The following PISD variants were observed in gnomAD, a reference collection of about 807,000 sequenced individuals.
PISD encodes the protein phosphatidylserine decarboxylase proenzyme, mitochondrial.
Under a neutral mutation model 43.5 loss-of-function variants are expected in PISD, and 31 were observed. That is an observed-to-expected ratio of 0.71 (90% CI 0.54 to 0.96). The LOEUF (loss-of-function observed/expected upper bound fraction) is 0.96, where lower values mean the gene tolerates loss of function less well. Ranked by LOEUF, PISD falls within the 40% of genes least tolerant of loss-of-function variation. PISD has a pLI of 0.00. For synonymous variants in PISD, 259 were observed against 228.7 expected (o/e 1.13, Z -1.20); for missense variants, 523 against 548.4 (o/e 0.95, Z 0.46).
chr22:31,637,970 C>T (rs569962597), intron 3 of PISD, among the ~76,000 whole-genome samples: 1 of 152,368 alleles, frequency 6.6e-6, no homozygotes, highest in South Asian at 2.1e-4. Context: ...TAAGGCTCGG[C>T]CCCAGACAGA....
At chr22:31,623,804 C>T (rs754812426) in intron 3 of PISD, 4 of 1,613,958 alleles carry the variant, frequency 2.5e-6, no homozygotes, top group African/African-American at 1.3e-5. Context: ...ACATGCAGCT[C>T]AGCTGCCCCA....
chr22:31,662,072 A>G, intron 1 of PISD, 72 bp downstream of exon 1: 1 of 1,370,924 alleles, frequency 7.3e-7, no homozygotes, highest in Non-Finnish European at 1.0e-6. Flanking sequence ...CGACACAGAA[A>G]CATCTCTCTT....
At chr22:31,628,747 T>C in intron 3 of PISD, 1 of 819,248 alleles carries the variant, frequency 1.2e-6, no homozygotes, top group Admixed American at 6.2e-5. Flanking sequence ...GCCACCCCCT[T>C]GAGGCTCAGA....
At position 31,648,283 on chromosome 22, in the gene PISD, TA is replaced by T; in HGVS notation, c.146-8del. 1.3e-6 allele frequency: 2 copies of T among 1,596,836 alleles called. No homozygotes were observed. The highest frequency in any genetic ancestry group is 8.5e-7 in the Non-Finnish European group (1 of 1,172,494). ...GTGTGGATTTTTCTGGCATCTGTAA[TA>T]AAAAACAGGACAATTTCAAGCCTGA... On this transcript the variant is annotated splice_region_variant and splice_polypyrimidine_tract_variant and intron_variant, in intron 2 of 7. Coordinates refer to ENST00000439502, the MANE Select transcript of PISD (RefSeq NM_001326411.2).
At chr22:31,624,712 G>GACAC (rs55946723) in intron 3 of PISD, among the ~76,000 whole-genome samples, 6,685 of 111,816 alleles carry the variant, frequency 0.06, 244 homozygotes, top group East Asian at 0.15. Flanking sequence ...AGCAAAGGTG[G>GACAC]ACACACACAC....
chr22:31,646,405 A>C (rs1218497422), intron 3 of PISD, among the ~76,000 whole-genome samples: 1 of 152,194 alleles, frequency 6.6e-6, no homozygotes, highest in Non-Finnish European at 1.5e-5. Flanking sequence ...CTTATGAGTT[A>C]ATCAACCCTG....
chr22:31,630,902 C>T lies in PISD; in HGVS notation c.322-9017G>A. 4 of 976,214 alleles carry T rather than the reference C, an allele frequency of 4.1e-6. No homozygotes were observed. Among genetic ancestry groups the T allele is most frequent in the Non-Finnish European group, 4.9e-6 (4 of 821,486 alleles). The allele number at this position is 976,214 out of a possible 1,614,324, so 60.5% of individuals were successfully genotyped here. ...GGGCGGGGCTCGGGCTCCAGCCACT[C>T]AGACTACCAGGGGCGGGGGCAGGAG... On this transcript the variant is annotated intron_variant, in intron 3 of 7. Transcript: ENST00000439502. The surrounding 1 kb of genome is among the most constrained non-coding windows in gnomAD (Gnocchi z 4.4).
chr22:31,640,575 G>GTT (rs759964791), intron 3 of PISD, among the ~76,000 whole-genome samples: 4,335 of 91,034 alleles, frequency 0.048, 520 homozygotes, highest in African/African-American at 0.065. Context: ...CGGTTTGGTT[G>GTT]TTTTTTTTTT....
chr22:31,628,199 T>C, intron 3 of PISD: 1 of 985,480 alleles, frequency 1.0e-6, no homozygotes, highest in Non-Finnish European at 1.2e-6. Context: ...GCACCGTCTG[T>C]CCCTCTCAGA....
chr22:31,662,337 G>GTGGCT (rs2074346815), upstream of PISD: 7 of 915,208 alleles, frequency 7.6e-6, no homozygotes, highest in Non-Finnish European at 1.2e-5. Flanking sequence ...ACTAAGCTCC[G>GTGGCT]CCCTGTGGCT....
In PISD at chr22:31,630,609, C is replaced by T. The variant is rs550564588; in HGVS notation, c.322-8724G>A. 2.0e-5 allele frequency: 11 copies of T among 559,978 alleles called. No homozygotes were observed. Among genetic ancestry groups the T allele is most frequent in the East Asian group, 1.4e-4 (1 of 6,898 alleles). The allele number at this position is 559,978 out of a possible 1,614,324, so 34.7% of individuals were successfully genotyped here. ...GTGGGGACGGAAAAAAAGCCCACGA[C>T]TCGCTCAACCTTGTCCGCGGGGCTC... On this transcript the variant is annotated intron_variant, in intron 3 of 7. Transcript: ENST00000439502. The surrounding 1 kb of genome is among the most constrained non-coding windows in gnomAD (Gnocchi z 4.4).
chr22:31,620,393 G>A (rs755547986), intron 7 of PISD, among the ~76,000 whole-genome samples, 160 bp downstream of exon 7: 2 of 152,240 alleles, frequency 1.3e-5, no homozygotes, highest in Non-Finnish European at 2.9e-5. Flanking sequence ...CTGGCAGGTG[G>A]AGCGGCCATT....
intron 3 of PISD, among the ~76,000 whole-genome samples, chr22:31,633,069 A>G (rs2073275536): frequency 6.6e-6 from 1 of 152,228 alleles, no homozygotes; most frequent in African/African-American, 2.4e-5. Flanking sequence ...AACACATGAC[A>G]TGGGATAAAA....
chr22:31,640,880 G>GTTTTTTT (rs1214973570), intron 3 of PISD, among the ~76,000 whole-genome samples: 894 of 24,540 alleles, frequency 0.036, 262 homozygotes, highest in African/African-American at 0.042. Flanking sequence ...CACACCCGGT[G>GTTTTTTT]TTTTTTTTTT....
chr22:31,641,726 A>T (rs1187843009), intron 3 of PISD, among the ~76,000 whole-genome samples: 1 of 151,114 alleles, frequency 6.6e-6, no homozygotes, highest in African/African-American at 2.5e-5. Context: ...AGGCTGAGGC[A>T]GGAGAACTGC....
chr22:31,640,184 C>G (rs1045524978), intron 3 of PISD, among the ~76,000 whole-genome samples: 3 of 150,904 alleles, frequency 2.0e-5, no homozygotes, highest in Non-Finnish European at 4.4e-5. Flanking sequence ...CTTTCCAGAA[C>G]ACGATTTCAA....
intron 2 of PISD, among the ~76,000 whole-genome samples, chr22:31,650,413 T>C (rs997343549): frequency 6.6e-6 from 1 of 151,778 alleles, no homozygotes; most frequent in Non-Finnish European, 1.5e-5. Flanking sequence ...GTGGTGCACA[T>C]CTGTGTCCCA....
chr22:31,634,326 A>G (rs747944226), intron 3 of PISD, among the ~76,000 whole-genome samples: 7 of 152,246 alleles, frequency 4.6e-5, no homozygotes, highest in Non-Finnish European at 7.3e-5. Flanking sequence ...CTGGGCAGAG[A>G]GGCCAGGCAA....
intron 3 of PISD, among the ~76,000 whole-genome samples, chr22:31,647,112 T>A (rs2073907794): frequency 1.3e-5 from 2 of 152,020 alleles, no homozygotes. Flanking sequence ...AAAAAAGGAT[T>A]TTGGAAGGAA....
Sources: allele counts gnomAD v4.1 joint callset (sites outside exome capture counted in the v4.1 genomes callset), GRCh38; gene constraint gnomAD v4.1.1; non-coding constraint Gnocchi (gnomAD v3.1); transcripts MANE v1.5; gene names NCBI Gene and HGNC (gene_info 2026-07-23, HGNC 2026-07-21).